FCHSD1: variants seen among roughly 807,000 people sequenced by gnomAD.
FCHSD1 encodes F-BAR and double SH3 domains protein 1.
A neutral mutation model predicts 101.3 loss-of-function variants in FCHSD1; 109 were observed. That is an observed-to-expected ratio of 1.08 (90% CI 0.92 to 1.26). The LOEUF is 1.26. FCHSD1 is among the 50% of genes most tolerant of loss of function. FCHSD1 has a pLI of 0.00. For missense variants in FCHSD1, 820 were observed against 895.8 expected, an observed-to-expected ratio of 0.92 and a Z score of 1.08; for synonymous variants, 291 against 356.8, an observed-to-expected ratio of 0.82 and a Z score of 2.08.
chr5:141,650,336 A>T (rs1298694145), intron 3 of FCHSD1, 23 bp downstream of exon 3: 1 of 1,613,632 alleles, frequency 6.2e-7, no homozygotes. Context: ...ACAAGAGGTA[A>T]GGTCCAGAGA....
At position 141,647,906 on chromosome 5, in the gene FCHSD1, G is replaced by A; in HGVS notation, c.705+62C>T. On this transcript the variant is annotated intron_variant, in intron 8 of 19. Coordinates refer to ENST00000435817, the MANE Select transcript of FCHSD1 (RefSeq NM_033449.3). ...CACCCACTGTCATGGGGATCAAGAA[G>A]CAGGGGGAGGTCCTCCTTTCCCTCC... 2.5e-6 allele frequency: 4 copies of A among 1,579,592 alleles called. No homozygotes were observed. In the South Asian group the frequency reaches 3.5e-5, roughly 14 times the overall value.
rs563399305 is a variant in FCHSD1 at position 141,639,896 on chromosome 5, C to T, written c.*1602G>A. 10 of 1,612,884 alleles carry T rather than the reference C, an allele frequency of 6.2e-6. No homozygotes were observed. In the South Asian group the frequency reaches 8.8e-5, roughly 14 times the overall value. Reference sequence around the variant, plus strand: ...GCAGCCTCTGAGTTGTGGTCCTAAACCCCAGTGTTCCCTCCCCTCCCAGGT... The same window carrying T: ...GCAGCCTCTGAGTTGTGGTCCTAAATCCCAGTGTTCCCTCCCCTCCCAGGT... On this transcript the variant is annotated 3_prime_UTR_variant, in exon 20 of 20. Coordinates refer to ENST00000435817, the MANE Select transcript of FCHSD1 (RefSeq NM_033449.3). The surrounding 1 kb of genome is among the most constrained non-coding windows in gnomAD (Gnocchi z 4.4).
At position 141,649,313 on chromosome 5, in the gene FCHSD1, T is replaced by C. The variant is rs760165312; in HGVS notation, c.376-5A>G. 6.2e-7 allele frequency: 1 copy of C among 1,614,000 alleles called. No individual in the cohort carries two copies. The highest frequency in any genetic ancestry group is 2.2e-5 in the East Asian group (1 of 44,890). ...CCTCTGGAGGTTCTCTGTTCCCTAT[T>C]GGGATGCATACACAAAGTCCTTACC... On this transcript the variant is annotated splice_region_variant and splice_polypyrimidine_tract_variant and intron_variant, in intron 5 of 19. Coordinates refer to ENST00000435817, the MANE Select transcript of FCHSD1 (RefSeq NM_033449.3). The surrounding 1 kb of genome is among the most constrained non-coding windows in gnomAD (Gnocchi z 4.1).
rs1002417698 is a variant in FCHSD1, at chr5:141,650,415, T to G, written c.120-11A>C. ...TGCTTGCTGTAGGATCTGCGGAGATTGCAGGTCGGGGGTGAGGTGGGGGAT... is the reference window on the plus strand; with the variant it reads ...TGCTTGCTGTAGGATCTGCGGAGATGGCAGGTCGGGGGTGAGGTGGGGGAT... On this transcript the variant is annotated splice_polypyrimidine_tract_variant and intron_variant, in intron 2 of 19. Transcript: ENST00000435817. 2 of 1,613,756 alleles carry G rather than the reference T, an allele frequency of 1.2e-6. No individual in the cohort carries two copies. The highest frequency in any genetic ancestry group is 2.7e-5 in the African/African-American group (2 of 74,880).
chr5:141,640,864 T>A lies in FCHSD1; in HGVS notation c.*634A>T. The A allele has an allele frequency of 1.7e-6, 1 of 592,680 alleles. No individual in the cohort carries two copies. Among genetic ancestry groups the A allele is most frequent in the Non-Finnish European group, 3.0e-6 (1 of 337,422 alleles). 36.7% of individuals were successfully genotyped at this position (592,680 alleles called of 1,614,324 possible). Reference sequence around the variant, plus strand: ...CTCAGTCTCTTCTCCTTCCCCTGCCTGCAACAGGCTGCCTGCCCCGCCTTC... The same window carrying A: ...CTCAGTCTCTTCTCCTTCCCCTGCCAGCAACAGGCTGCCTGCCCCGCCTTC... On this transcript the variant is annotated 3_prime_UTR_variant, in exon 20 of 20. Coordinates refer to ENST00000435817, the MANE Select transcript of FCHSD1 (RefSeq NM_033449.3).
At chr5:141,647,847 T>C in intron 8 of FCHSD1, 121 bp downstream of exon 8, 2 of 1,386,946 alleles carry the variant, frequency 1.4e-6, no homozygotes, top group East Asian at 2.5e-5. Context: ...GTATGTATCA[T>C]CTACTCACTC....
At chr5:141,642,124 G>A (rs1200861085) in intron 18 of FCHSD1, 3 of 502,988 alleles carry the variant, frequency 6.0e-6, no homozygotes, top group Non-Finnish European at 1.1e-5. Context: ...TGTGGACAAG[G>A]TGGAAGTACC....
rs1326364711 is a variant in FCHSD1 at position 141,651,005 on chromosome 5, G to A, written c.119+15C>T. 5.1e-6 allele frequency: 8 copies of A among 1,569,124 alleles called. No homozygotes were observed. Among genetic ancestry groups the A allele is most frequent in the Non-Finnish European group, 6.9e-6 (8 of 1,155,210 alleles). ...GACGAAGGTGAGTGTAAATGAAGGGGGTTGGGGGAGCTACCTGATGTCCTC... is the reference window on the plus strand; with the variant it reads ...GACGAAGGTGAGTGTAAATGAAGGGAGTTGGGGGAGCTACCTGATGTCCTC... On this transcript the variant is annotated intron_variant, in intron 2 of 19. Transcript: ENST00000435817.
In FCHSD1 at chr5:141,646,087, C is replaced by T; in HGVS notation, c.1149G>A (p.Gln383=). Residue 383 remains glutamine, a splice_region_variant and synonymous_variant, in exon 12 of 20, where the codon CAG becomes CAA. Transcript: ENST00000435817. ...CTCTAACCTCAGGGGTGTGCCTCAC[C>T]TGTGCCCGGCGGATGCTCTCTCGCA... ...QEVRESIRRA[Q]VSQVKGAARL... 1 of 1,608,398 alleles carries T rather than the reference C, an allele frequency of 6.2e-7. No individual in the cohort carries two copies. Among genetic ancestry groups the T allele is most frequent in the Non-Finnish European group, 8.5e-7 (1 of 1,177,592 alleles).
intron 8 of FCHSD1, 169 bp from the exon 9 acceptor site, chr5:141,647,689 G>T: frequency 9.1e-7 from 1 of 1,095,910 alleles, no homozygotes; most frequent in Non-Finnish European, 1.3e-6. Context: ...TTTAAAACAC[G>T]TTCACATCCA....
At position 141,649,841 on chromosome 5, in the gene FCHSD1, C is replaced by G. The variant is rs758790646; in HGVS notation, c.233+46G>C. 10 of 1,535,118 alleles carry G rather than the reference C, an allele frequency of 6.5e-6. No individual in the cohort carries two copies. The Admixed American group carries it at 6.6e-5, about 10-fold the overall frequency. On this transcript the variant is annotated intron_variant, in intron 4 of 19. Transcript: ENST00000435817. This position sits in a 1 kb window ranked among gnomAD's most constrained non-coding sequence, Gnocchi z 4.1. ...CCACAGGTTCCTGGGGCTGAGCTCC[C>G]CATCACTTTTTGGCCTCTGTGGCCC... is the stretch of plus-strand genomic sequence containing the variant.
intron 10 of FCHSD1, 104 bp downstream of exon 10, chr5:141,647,031 C>A: frequency 1.8e-6 from 2 of 1,137,022 alleles, no homozygotes; most frequent in South Asian, 1.6e-5. Flanking sequence ...CCCCTCTCCA[C>A]GGTGTACACT....
At chr5:141,643,770 C>A (rs1011137385) in intron 17 of FCHSD1, among the ~76,000 whole-genome samples, 1 of 151,962 alleles carries the variant, frequency 6.6e-6, no homozygotes, top group Non-Finnish European at 1.5e-5. Flanking sequence ...ATCGTTTGAA[C>A]CCGGGAGGCA....
intron 17 of FCHSD1, among the ~76,000 whole-genome samples, chr5:141,643,533 CCTT>C (rs2099907245): frequency 6.6e-6 from 1 of 152,214 alleles, no homozygotes; most frequent in African/African-American, 2.4e-5. Flanking sequence ...TATTGAAACA[CCTT>C]CTGCATTCCA....
chr5:141,646,473 T>C, intron 11 of FCHSD1, 130 bp downstream of exon 11: 1 of 1,382,116 alleles, frequency 7.2e-7, no homozygotes, highest in Non-Finnish European at 9.7e-7. Flanking sequence ...TGTGCCACAC[T>C]GTTACCTTAA....
At chr5:141,644,088 G>A in intron 17 of FCHSD1, 130 bp downstream of exon 17, 2 of 892,562 alleles carry the variant, frequency 2.2e-6, no homozygotes, top group Non-Finnish European at 3.4e-6. Flanking sequence ...ATAGGAGATG[G>A]GAGGCCCAGG....
Position 141,649,275 on chromosome 5 carries a change from C to G in FCHSD1, c.409G>C (p.Val137Leu). 2 of 1,614,010 alleles carry G rather than the reference C, an allele frequency of 1.2e-6. No homozygotes were observed. Among genetic ancestry groups the G allele is most frequent in the Non-Finnish European group, 1.7e-6 (2 of 1,179,886 alleles). ...TENLQRAQAE[V>L]LQSVRELSRS... is the part of the protein sequence containing the mutation. ...CTCAGCTCCCGGACAGACTGCAGCA[C>G]CTCAGCCTGCGCCCTCTGGAGGTTC... Residue 137 changes from valine to leucine, a missense_variant, in exon 6 of 20, where the codon GTG (valine) becomes CTG (leucine). Physicochemically the swap from Val to Leu is conservative, Grantham distance 32 (BLOSUM62 1). Transcript: ENST00000435817. The surrounding 1 kb of genome is among the most constrained non-coding windows in gnomAD (Gnocchi z 4.1).
At chr5:141,644,093 C>T in intron 17 of FCHSD1, 125 bp downstream of exon 17, 1 of 957,618 alleles carries the variant, frequency 1.0e-6, no homozygotes, top group Non-Finnish European at 1.5e-6. Flanking sequence ...AGATGGGAGG[C>T]CCAGGCCACT....
chr5:141,643,523 T>C (rs1434367999), intron 17 of FCHSD1, among the ~76,000 whole-genome samples: 5 of 152,196 alleles, frequency 3.3e-5, no homozygotes, highest in South Asian at 2.1e-4. Flanking sequence ...AGATATCTTA[T>C]ATTGAAACAC....
Sources: allele counts gnomAD v4.1 joint callset (sites outside exome capture counted in the v4.1 genomes callset), GRCh38; gene constraint gnomAD v4.1.1; non-coding constraint Gnocchi (gnomAD v3.1); transcripts MANE v1.5; gene names NCBI Gene and HGNC (gene_info 2026-07-23, HGNC 2026-07-21).